Variants in MDFIC observed in about 807,000 individuals in gnomAD.
MDFIC encodes the protein myoD family inhibitor domain-containing protein.
Under a neutral mutation model 23.2 loss-of-function variants are expected in MDFIC, and 17 were observed. That is an observed-to-expected ratio of 0.73 (90% CI 0.50 to 1.10). The LOEUF (loss-of-function observed/expected upper bound fraction) is 1.10, where lower values mean the gene tolerates loss of function less well. MDFIC is among the 50% of genes least tolerant of loss of function. MDFIC has a pLI of 0.00. For synonymous variants in MDFIC, 120 were observed against 115.2 expected (o/e 1.04, Z -0.27); for missense variants, 356 against 316.6 (o/e 1.12, Z -0.95).
intron 4 of MDFIC, among the ~76,000 whole-genome samples, chr7:114,982,175 A>G (rs1394768434): frequency 1.3e-5 from 2 of 152,158 alleles, no homozygotes; most frequent in African/African-American, 2.4e-5. Flanking sequence ...AACACCTAAA[A>G]CCTGATGTGC....
chr7:114,936,739 A>G (rs1792432040), intron 2 of MDFIC, among the ~76,000 whole-genome samples: 1 of 152,124 alleles, frequency 6.6e-6, no homozygotes, highest in African/African-American at 2.4e-5. Context: ...TTCCAACTGA[A>G]TATCTATCTC....
intron 3 of MDFIC, among the ~76,000 whole-genome samples, chr7:114,957,856 T>C (rs1463114788): frequency 6.6e-6 from 1 of 152,206 alleles, no homozygotes; most frequent in African/African-American, 2.4e-5. Flanking sequence ...AGGAAAACAT[T>C]GCATCTATAC....
chr7:114,956,264 A>G (rs1792880059), intron 3 of MDFIC, among the ~76,000 whole-genome samples: 1 of 152,120 alleles, frequency 6.6e-6, no homozygotes, highest in Non-Finnish European at 1.5e-5. Flanking sequence ...AAATTGCAGT[A>G]TACTATACTC....
chr7:115,011,843 A>G (rs1791688534), intron 4 of MDFIC, among the ~76,000 whole-genome samples: 2 of 152,064 alleles, frequency 1.3e-5, no homozygotes, highest in Non-Finnish European at 1.5e-5. Context: ...GTCACATCCA[A>G]TCTCTCTCTC....
chr7:114,989,357 G>A (rs1290822267), intron 4 of MDFIC, among the ~76,000 whole-genome samples: 1 of 152,110 alleles, frequency 6.6e-6, no homozygotes, highest in Non-Finnish European at 1.5e-5. Context: ...AGTGATGTGG[G>A]TTGTAGAATG....
At chr7:114,982,672 G>T (rs1251813117) in intron 4 of MDFIC, among the ~76,000 whole-genome samples, 1 of 152,174 alleles carries the variant, frequency 6.6e-6, no homozygotes, top group African/African-American at 2.4e-5. Context: ...TCCAGCCTGG[G>T]TGACAGAGTG....
chr7:114,929,084 G>T (rs377320989), intron 2 of MDFIC, among the ~76,000 whole-genome samples: 4 of 147,960 alleles, frequency 2.7e-5, no homozygotes, highest in African/African-American at 5.0e-5. Context: ...GATAAATATA[G>T]ATCTATCTAT....
chr7:114,977,781 T>A (rs1793344867), intron 3 of MDFIC, among the ~76,000 whole-genome samples: 1 of 151,402 alleles, frequency 6.6e-6, no homozygotes, highest in Non-Finnish European at 1.5e-5. Context: ...AAAAGTTTTG[T>A]TTTTTATATA....
chr7:114,952,231 C>A (rs1164886132), intron 3 of MDFIC, among the ~76,000 whole-genome samples: 1 of 152,170 alleles, frequency 6.6e-6, no homozygotes. Flanking sequence ...GTGAAACAAT[C>A]GCCATGGGCA....
chr7:114,943,822 T>G (rs1194886017), intron 3 of MDFIC, among the ~76,000 whole-genome samples: 1 of 152,166 alleles, frequency 6.6e-6, no homozygotes, highest in African/African-American at 2.4e-5. Flanking sequence ...TCACTTTTTT[T>G]TCGGTGGTAA....
intron 3 of MDFIC, among the ~76,000 whole-genome samples, chr7:114,973,905 G>A (rs183940155): frequency 5.9e-5 from 9 of 152,192 alleles, no homozygotes; most frequent in Admixed American, 2.0e-4. Flanking sequence ...ATGTATTTCA[G>A]TATGTTAAAT....
chr7:115,013,191 T>C (rs1330013213), intron 4 of MDFIC, among the ~76,000 whole-genome samples: 1 of 152,108 alleles, frequency 6.6e-6, no homozygotes. Context: ...TGTGTACACA[T>C]GTACTGCTGT....
intron 2 of MDFIC, among the ~76,000 whole-genome samples, chr7:114,931,891 G>T (rs968693624): frequency 6.6e-6 from 1 of 152,162 alleles, no homozygotes; most frequent in African/African-American, 2.4e-5. Context: ...AAACTAGGTG[G>T]CAGAGTATGA....
chr7:114,998,156 A>G (rs1791381166), intron 4 of MDFIC, among the ~76,000 whole-genome samples: 1 of 152,218 alleles, frequency 6.6e-6, no homozygotes, highest in Non-Finnish European at 1.5e-5. Flanking sequence ...GGAAAAATAC[A>G]GATTGTGCAG....
chr7:114,949,984 G>A (rs1315984373), intron 3 of MDFIC, among the ~76,000 whole-genome samples: 1 of 152,176 alleles, frequency 6.6e-6, no homozygotes, highest in African/African-American at 2.4e-5. Context: ...GAAGTTTTGT[G>A]TAATCTGGGA....
At chr7:114,983,707 A>G (rs1793458529) in intron 4 of MDFIC, among the ~76,000 whole-genome samples, 1 of 151,334 alleles carries the variant, frequency 6.6e-6, no homozygotes, top group Non-Finnish European at 1.5e-5. Flanking sequence ...AGCTGGAATT[A>G]CAGGCGCCCA....
intron 2 of MDFIC, among the ~76,000 whole-genome samples, chr7:114,925,398 G>A (rs1792169994): frequency 6.6e-6 from 1 of 152,140 alleles, no homozygotes; most frequent in Admixed American, 6.5e-5. Context: ...CTGTAGTGAA[G>A]CCCATTCTAG....
chr7:114,933,636 A>G lies in MDFIC; in HGVS notation c.95-8639A>G, dbSNP rs142267738. Among the ~76,000 whole-genome samples, 1,322 of 152,288 alleles carry G rather than the reference A, an allele frequency of 8.7e-3. 7 individuals are homozygous for G. Among genetic ancestry groups the G allele is most frequent in the Non-Finnish European group, 0.015 (1,047 of 68,022 alleles). ...GATATGGTGTCTCTGGATTTTGGCA[A>G]TCAGACAACCTCTTTCATGATAGTT... is the stretch of plus-strand genomic sequence containing the variant. On this transcript the variant is annotated intron_variant, in intron 2 of 4. Transcript: ENST00000393486.
chr7:114,933,293 C>G (rs1792361964), intron 2 of MDFIC, among the ~76,000 whole-genome samples: 1 of 140,200 alleles, frequency 7.1e-6, no homozygotes, highest in African/African-American at 2.6e-5. Flanking sequence ...GAGTCTCACT[C>G]TGTCATGCAG....
Sources: allele counts gnomAD v4.1 joint callset (sites outside exome capture counted in the v4.1 genomes callset), GRCh38; gene constraint gnomAD v4.1.1; transcripts MANE v1.5; gene names NCBI Gene and HGNC (gene_info 2026-07-23, HGNC 2026-07-21).